Variants in TECPR2 observed in about 807,000 individuals in gnomAD.
TECPR2 encodes the protein tectonin beta-propeller repeat containing 2, also known as tectonin beta-propeller repeat-containing protein 2.
Under a neutral mutation model 138.1 loss-of-function variants are expected in TECPR2, and 65 were observed. The ratio of observed to expected loss-of-function variants is 0.47; its 90% CI spans 0.39 to 0.58. The LOEUF (loss-of-function observed/expected upper bound fraction) is 0.58, where lower values mean the gene tolerates loss of function less well. TECPR2 is among the 20% of genes least tolerant of loss of function. The pLI is 0.00. For missense variants in TECPR2, 1,553 were observed against 1,824.5 expected, an observed-to-expected ratio of 0.85 and a Z score of 2.71; for synonymous variants, 746 against 749.8, an observed-to-expected ratio of 0.99 and a Z score of 0.08.
rs778070649 is a variant in TECPR2, at chr14:102,450,560, G to A, written c.3317G>A (p.Gly1106Asp). Residue 1106 changes from glycine to aspartate, a missense_variant and splice_region_variant, in exon 15 of 20, where the codon GGC becomes GAC. Physicochemically the swap from Gly to Asp is moderately conservative, Grantham distance 94. Coordinates refer to ENST00000359520, the MANE Select transcript of TECPR2 (RefSeq NM_014844.5). ...EFHVAKGSLIGTYWNHVVPRG... is the reference protein window; with the variant it reads ...EFHVAKGSLIDTYWNHVVPRG... ...CATTCTTCCTATTTACTCTTTCCAGGCACCTACTGGAATCATGTGGTTCCC... is the reference window on the plus strand; with the variant it reads ...CATTCTTCCTATTTACTCTTTCCAGACACCTACTGGAATCATGTGGTTCCC... 6.2e-7 allele frequency: 1 copy of A among 1,613,930 alleles called. No homozygotes were observed. The highest frequency in any genetic ancestry group is 1.1e-5 in the South Asian group (1 of 91,074).
intron 17 of TECPR2, among the ~76,000 whole-genome samples, chr14:102,467,319 ATTTT>A (rs35221234): frequency 1.7e-5 from 2 of 114,418 alleles, no homozygotes; most frequent in Admixed American, 9.8e-5. Flanking sequence ...ATCCTCACCA[ATTTT>A]TTTTTTTTTT....
rs1567331377 is a variant in TECPR2, at chr14:102,415,749, C to T, written c.638+956C>T. 6.6e-6 allele frequency among the ~76,000 whole-genome samples: 1 copy of T among 152,174 alleles called. No individual in the cohort carries two copies. The highest frequency in any genetic ancestry group is 1.5e-5 in the Non-Finnish European group (1 of 68,024). On this transcript the variant is annotated intron_variant, in intron 5 of 19. Coordinates refer to ENST00000359520, the MANE Select transcript of TECPR2 (RefSeq NM_014844.5). This position sits in a 1 kb window ranked among gnomAD's most constrained non-coding sequence, Gnocchi z 4.3. ...AGCTGGAAGAGTTCCCGTCTTGTGT[C>T]TCCCAGGAAAGGGCACTGTTTGCCT...
At chr14:102,373,899 G>T (rs141852472) in intron 1 of TECPR2, among the ~76,000 whole-genome samples, 6,040 of 151,596 alleles carry the variant, frequency 0.04, 139 homozygotes, top group Middle Eastern at 0.089. Flanking sequence ...GCCAATATGG[G>T]GAAACCCCCA....
chr14:102,379,695 G>A (rs1555447695), intron 2 of TECPR2, among the ~76,000 whole-genome samples: 1 of 132,078 alleles, frequency 7.6e-6, no homozygotes. Context: ...TCACACTGCT[G>A]AAGATCACCA....
rs1567367321 is a variant in TECPR2, at chr14:102,498,985, ACACCGCACTG to A, written c.*737_*746del. The A allele has an allele frequency of 5.7e-6, 4 of 696,764 alleles. No individual in the cohort carries two copies. The highest frequency in any genetic ancestry group is 2.7e-5 in the East Asian group (1 of 36,838). The allele number at this position is 696,764 out of a possible 1,614,324, so 43.2% of individuals were successfully genotyped here. ...CTCACCACACAACACACCACACCCC[ACACCGCACTG>A]CACCGCACCGCACCGCACCGTACCT... On this transcript the variant is annotated 3_prime_UTR_variant, in exon 20 of 20. Transcript: ENST00000359520.
At chr14:102,394,152 A>C (rs1478757761) in intron 2 of TECPR2, among the ~76,000 whole-genome samples, 1 of 152,092 alleles carries the variant, frequency 6.6e-6, no homozygotes, top group Non-Finnish European at 1.5e-5. Flanking sequence ...AGTTTCCCTC[A>C]TTCTCCTTCC....
intron 17 of TECPR2, among the ~76,000 whole-genome samples, chr14:102,472,519 TCTGCTGAATAGAGC>T (rs1179420131): frequency 6.6e-6 from 1 of 152,218 alleles, no homozygotes; most frequent in Admixed American, 6.5e-5. Context: ...TTCAAGTAGT[TCTGCTGAATAGAGC>T]CACATTTTCT....
chr14:102,404,612 T>C (rs928163751), intron 2 of TECPR2, among the ~76,000 whole-genome samples: 3 of 151,658 alleles, frequency 2.0e-5, no homozygotes, highest in African/African-American at 7.3e-5. Context: ...ACTGTCACTC[T>C]GTTGCCCAGG....
intron 17 of TECPR2, among the ~76,000 whole-genome samples, chr14:102,472,850 C>T (rs1890677766): frequency 6.6e-6 from 1 of 152,246 alleles, no homozygotes; most frequent in Non-Finnish European, 1.5e-5. Flanking sequence ...CCCCAGCTCC[C>T]AGGTGCTGCC....
chr14:102,419,508 C>T lies in TECPR2; in HGVS notation c.638+4715C>T, dbSNP rs534153068. 3.9e-5 allele frequency among the ~76,000 whole-genome samples: 6 copies of T among 152,074 alleles called. No individual in the cohort carries two copies. The South Asian group carries it at 1.0e-3, about 26-fold the overall frequency. On this transcript the variant is annotated intron_variant, in intron 5 of 19. Coordinates refer to ENST00000359520, the MANE Select transcript of TECPR2 (RefSeq NM_014844.5). The surrounding 1 kb of genome is among the most constrained non-coding windows in gnomAD (Gnocchi z 4.8). The stretch of plus-strand genomic sequence containing the variant: ...AGTGCTGGTGGGGACAGAGTGCAGG[C>T]GGTGGCCTCAGTTGGGCCCTCTCAT...
At chr14:102,373,321 G>A (rs759947137) in intron 1 of TECPR2, among the ~76,000 whole-genome samples, 9 of 152,132 alleles carry the variant, frequency 5.9e-5, no homozygotes, top group Non-Finnish European at 5.9e-5. Context: ...GAGCGAAAAC[G>A]ATACCATTCA....
intron 17 of TECPR2, among the ~76,000 whole-genome samples, chr14:102,487,029 C>T (rs1201624425): frequency 1.3e-5 from 2 of 152,138 alleles, no homozygotes; most frequent in Non-Finnish European, 2.9e-5. Context: ...CACGGATAGA[C>T]GGACAGACAC....
intron 7 of TECPR2, among the ~76,000 whole-genome samples, chr14:102,431,491 C>A (rs538114931): frequency 1.3e-5 from 2 of 151,972 alleles, no homozygotes; most frequent in African/African-American, 4.8e-5. Flanking sequence ...CCCCGGCGCC[C>A]GCCACCATGC....
intron 12 of TECPR2, among the ~76,000 whole-genome samples, chr14:102,444,855 G>A (rs980967315): frequency 6.6e-6 from 1 of 152,152 alleles, no homozygotes; most frequent in Non-Finnish European, 1.5e-5. Context: ...TGAGGCAGGA[G>A]AATCACTTGA....
intron 4 of TECPR2, among the ~76,000 whole-genome samples, chr14:102,409,836 G>A (rs907336385): frequency 4.6e-5 from 7 of 151,790 alleles, no homozygotes; most frequent in Admixed American, 3.9e-4. Flanking sequence ...ATGGAGTCTC[G>A]CTCTGTTGCC....
intron 17 of TECPR2, among the ~76,000 whole-genome samples, chr14:102,469,268 G>T (rs1890613237): frequency 6.6e-6 from 1 of 152,090 alleles, no homozygotes; most frequent in Admixed American, 6.5e-5. Flanking sequence ...ATGTTTTGTA[G>T]TTTTCAGAGT....
At chr14:102,394,501 G>A (rs1247864822) in intron 2 of TECPR2, among the ~76,000 whole-genome samples, 1 of 152,114 alleles carries the variant, frequency 6.6e-6, no homozygotes, top group Non-Finnish European at 1.5e-5. Context: ...ACTTGTAGGG[G>A]CTGAGGTGGG....
At chr14:102,365,424 G>A (rs927460486) in intron 1 of TECPR2, among the ~76,000 whole-genome samples, 4 of 152,272 alleles carry the variant, frequency 2.6e-5, no homozygotes, top group African/African-American at 9.6e-5. Flanking sequence ...GAGTGGAAAG[G>A]GACTTTGTTC....
At chr14:102,428,902 C>CA (rs1889396980) in intron 7 of TECPR2, among the ~76,000 whole-genome samples, 2 of 149,688 alleles carry the variant, frequency 1.3e-5, no homozygotes, top group African/African-American at 2.5e-5. Flanking sequence ...GGCTAGAGTG[C>CA]AATGAGGCGA....
Sources: allele counts gnomAD v4.1 joint callset (sites outside exome capture counted in the v4.1 genomes callset), GRCh38; gene constraint gnomAD v4.1.1; non-coding constraint Gnocchi (gnomAD v3.1); transcripts MANE v1.5; gene names NCBI Gene and HGNC (gene_info 2026-07-23, HGNC 2026-07-21).